Variants in WDSUB1 observed in about 807,000 individuals in gnomAD.
WDSUB1 encodes WD repeat, SAM and U-box domain-containing protein 1.
A neutral mutation model predicts 53.9 loss-of-function variants in WDSUB1; 49 were observed. That is an observed-to-expected ratio of 0.91 (90% CI 0.72 to 1.15). The LOEUF (loss-of-function observed/expected upper bound fraction) is 1.15, where lower values mean the gene tolerates loss of function less well. Among genes scored for constraint, WDSUB1 ranks in the 50% most tolerant of loss-of-function variants. The pLI is 0.00. For synonymous variants in WDSUB1, 194 were observed against 200.6 expected (o/e 0.97, Z 0.28); for missense variants, 514 against 562.0 (o/e 0.91, Z 0.86).
At chr2:159,285,659 T>C (rs2061777991) in intron 1 of WDSUB1, among the ~76,000 whole-genome samples, 11 of 152,138 alleles carry the variant, frequency 7.2e-5, no homozygotes. Flanking sequence ...TGAGCTGTGA[T>C]TGCACCACTG....
rs984363030 is a variant in WDSUB1 at position 159,236,183 on chromosome 2, A to C, written c.1281T>G (p.Tyr427Ter). ...MKDPVIASDG[Y>*]SYEKEAMENW... ...TTTCCATTGCTTCCTTTTCATATGA[A>C]TAGCCATCTAAAAAAAAAAAATCAC... is the stretch of plus-strand genomic sequence containing the variant. Residue 427 changes from tyrosine (Y) to a stop codon, truncating the protein, a stop_gained, in exon 11 of 11, where the codon TAT becomes TAG. Coordinates refer to ENST00000359774, the MANE Select transcript of WDSUB1 (RefSeq NM_001128212.3). LOFTEE classifies it high-confidence loss of function. 1.9e-6 allele frequency: 3 copies of C among 1,600,010 alleles called. No individual in the cohort carries two copies. Among genetic ancestry groups the C allele is most frequent in the Non-Finnish European group, 2.6e-6 (3 of 1,175,644 alleles).
intron 10 of WDSUB1, among the ~76,000 whole-genome samples, chr2:159,247,890 T>TATATATATATATATATAA (rs2060838826): frequency 5.9e-5 from 2 of 34,160 alleles, no homozygotes; most frequent in South Asian, 1.2e-3. Context: ...TAAATAAATA[T>TATATATATATATATATAA]ATATATATAT....
chr2:159,258,119 C>T (rs1575458498), intron 6 of WDSUB1, 134 bp from the exon 7 acceptor site: 2 of 758,782 alleles, frequency 2.6e-6, no homozygotes, highest in South Asian at 1.8e-5. Flanking sequence ...TAAGTTGAAA[C>T]TTTACTCAAT....
intron 10 of WDSUB1, among the ~76,000 whole-genome samples, chr2:159,244,568 C>T (rs922696875): frequency 6.6e-6 from 1 of 152,122 alleles, no homozygotes; most frequent in African/African-American, 2.4e-5. Context: ...CTCAATGTAG[C>T]AAGGTCACAA....
intron 6 of WDSUB1, among the ~76,000 whole-genome samples, chr2:159,258,194 G>A (rs1035152704): frequency 6.6e-6 from 1 of 152,110 alleles, no homozygotes; most frequent in African/African-American, 2.4e-5. Flanking sequence ...GTCAATTATC[G>A]GCATTATTGT....
intron 3 of WDSUB1, among the ~76,000 whole-genome samples, chr2:159,278,135 T>C (rs889953749): frequency 6.6e-6 from 1 of 152,196 alleles, no homozygotes; most frequent in Admixed American, 6.5e-5. Context: ...TCCACACTTA[T>C]ATAATTCACC....
intron 5 of WDSUB1, among the ~76,000 whole-genome samples, chr2:159,260,336 G>A (rs558499894): frequency 3.0e-4 from 45 of 150,536 alleles, no homozygotes; most frequent in African/African-American, 1.0e-3. Flanking sequence ...ATAAAATTTA[G>A]AAAATTATAA....
intron 2 of WDSUB1, among the ~76,000 whole-genome samples, chr2:159,281,571 C>T (rs1166317335): frequency 6.6e-6 from 1 of 152,202 alleles, no homozygotes; most frequent in Non-Finnish European, 1.5e-5. Flanking sequence ...ATCACCACCA[C>T]ACCAGGCATG....
At chr2:159,245,349 G>A (rs191772297) in intron 10 of WDSUB1, among the ~76,000 whole-genome samples, 68 of 152,012 alleles carry the variant, frequency 4.5e-4, no homozygotes, top group East Asian at 1.2e-3. Flanking sequence ...CCAACGTGGC[G>A]AAACCCCATC....
chr2:159,239,450 G>A (rs1037742394), intron 10 of WDSUB1, among the ~76,000 whole-genome samples: 7 of 152,026 alleles, frequency 4.6e-5, no homozygotes, highest in Non-Finnish European at 1.0e-4. Context: ...ATTCTTTTGG[G>A]CTTTCTACAT....
chr2:159,239,026 G>A (rs2060568214), intron 10 of WDSUB1, among the ~76,000 whole-genome samples: 1 of 151,994 alleles, frequency 6.6e-6, no homozygotes, highest in Non-Finnish European at 1.5e-5. Context: ...TTCTAAGATA[G>A]GGTCTCACTC....
chr2:159,277,973 A>T (rs947996560), intron 3 of WDSUB1, among the ~76,000 whole-genome samples: 7 of 152,186 alleles, frequency 4.6e-5, no homozygotes, highest in Non-Finnish European at 8.8e-5. Context: ...TGCCTGGTTT[A>T]GTGAGCCTTT....
chr2:159,249,752 C>T (rs1349881754), intron 9 of WDSUB1, among the ~76,000 whole-genome samples: 84 of 151,880 alleles, frequency 5.5e-4, no homozygotes, highest in Admixed American at 5.5e-3. Flanking sequence ...CATAAACCAC[C>T]ACCATGAAAC....
At chr2:159,284,447 G>A (rs1469241233) in intron 1 of WDSUB1, among the ~76,000 whole-genome samples, 2 of 152,206 alleles carry the variant, frequency 1.3e-5, no homozygotes, top group East Asian at 3.9e-4. Flanking sequence ...ATGGAGCCAA[G>A]GCTATCTGCT....
At chr2:159,257,671 A>G in intron 8 of WDSUB1, 87 bp downstream of exon 8, 2 of 1,165,948 alleles carry the variant, frequency 1.7e-6, no homozygotes, top group Non-Finnish European at 2.5e-6. Context: ...TACAGGTGTG[A>G]GCCGCGGTGC....
intron 10 of WDSUB1, among the ~76,000 whole-genome samples, chr2:159,238,221 A>G (rs2060539910): frequency 1.3e-5 from 2 of 152,224 alleles, no homozygotes; most frequent in African/African-American, 4.8e-5. Flanking sequence ...TGGAATATCA[A>G]CACTTCATCA....
chr2:159,271,072 T>C (rs1173309416), intron 5 of WDSUB1, among the ~76,000 whole-genome samples: 2 of 152,128 alleles, frequency 1.3e-5, no homozygotes, highest in Admixed American at 6.6e-5. Flanking sequence ...ACACTCACAA[T>C]ACCAAGTACA....
intron 9 of WDSUB1, 39 bp from the exon 10 acceptor site, chr2:159,248,551 T>TA: frequency 6.8e-7 from 1 of 1,467,650 alleles, no homozygotes; most frequent in South Asian, 1.5e-5. Context: ...TAACTACTAG[T>TA]AATCCTTACT....
chr2:159,281,023 A>G (rs73004987), intron 2 of WDSUB1, among the ~76,000 whole-genome samples: 1,891 of 152,232 alleles, frequency 0.012, 44 homozygotes, highest in African/African-American at 0.043. Flanking sequence ...GATATTTGGC[A>G]TAAGTGTTTA....
Sources: gnomAD v4.1 joint callset for allele counts (sites outside exome capture counted in the v4.1 genomes callset) on GRCh38, gnomAD v4.1.1 for gene constraint, MANE v1.5 for transcripts, NCBI Gene and HGNC (gene_info 2026-07-23, HGNC 2026-07-21) for gene names.